The following PMFBP1 variants were observed in gnomAD, a reference collection of about 807,000 sequenced individuals.
PMFBP1 encodes polyamine-modulated factor 1-binding protein 1.
A neutral mutation model predicts 137.8 loss-of-function variants in PMFBP1; 131 were observed. The ratio of observed to expected loss-of-function variants is 0.95; its 90% CI spans 0.82 to 1.10. The LOEUF is 1.10. Ranked by LOEUF, PMFBP1 falls within the 50% of genes least tolerant of loss-of-function variation. The pLI, the probability that PMFBP1 is intolerant of heterozygous loss-of-function variation, is 0.00. For missense variants in PMFBP1, 1,199 were observed against 1,175.4 expected (o/e 1.02, Z -0.29); for synonymous variants, 490 against 450.4 (o/e 1.09, Z -1.11).
intron 6 of PMFBP1, 35 bp from the exon 7 acceptor site, chr16:72,139,434 T>C: frequency 6.9e-7 from 1 of 1,451,856 alleles, no homozygotes; most frequent in Non-Finnish European, 9.7e-7. Context: ...TGCTGGATGA[T>C]CAATGGAACG....
chr16:72,228,898 T>C, the PMFBP1 span, among the ~76,000 whole-genome samples: 1 of 151,720 alleles, frequency 6.6e-6, no homozygotes, highest in Non-Finnish European at 1.5e-5. Flanking sequence ...TGTGCAGGAT[T>C]GTTACATGAG....
At chr16:72,120,313 C>T (rs1378033915) in intron 19 of PMFBP1, among the ~76,000 whole-genome samples, 1 of 152,130 alleles carries the variant, frequency 6.6e-6, no homozygotes, top group Non-Finnish European at 1.5e-5. Context: ...GTACTCCTGC[C>T]CAACTCTGCC....
At chr16:72,123,818 G>T (rs1330365583) in intron 17 of PMFBP1, among the ~76,000 whole-genome samples, 169 bp from the exon 18 acceptor site, 4 of 152,176 alleles carry the variant, frequency 2.6e-5, no homozygotes, top group Admixed American at 1.3e-4. Context: ...TCTGGCTTGT[G>T]CGGGTGGCAT....
intron 3 of PMFBP1, among the ~76,000 whole-genome samples, chr16:72,159,781 C>T (rs140865323): frequency 1.4e-4 from 20 of 146,478 alleles, no homozygotes; most frequent in Admixed American, 3.5e-4. Context: ...CAACTTATTT[C>T]CTATTGCTTC....
the PMFBP1 span, among the ~76,000 whole-genome samples, chr16:72,219,256 G>A: frequency 5.9e-5 from 9 of 152,288 alleles, no homozygotes; most frequent in African/African-American, 2.2e-4. Flanking sequence ...GAGAATCGCT[G>A]TAGGGCTTTT....
At chr16:72,122,285 T>TAAG (rs938023728) in intron 19 of PMFBP1, among the ~76,000 whole-genome samples, 1 of 152,236 alleles carries the variant, frequency 6.6e-6, no homozygotes, top group African/African-American at 2.4e-5. Flanking sequence ...GGTTGTTTTC[T>TAAG]AAGTGTTCCC....
chr16:72,143,670 G>C (rs773620477), intron 5 of PMFBP1, among the ~76,000 whole-genome samples: 5 of 152,076 alleles, frequency 3.3e-5, no homozygotes, highest in Admixed American at 2.0e-4. Flanking sequence ...TTGAACCCAA[G>C]AGGCGGAGGT....
At chr16:72,183,801 C>A in the PMFBP1 span, among the ~76,000 whole-genome samples, 1 of 152,274 alleles carries the variant, frequency 6.6e-6, no homozygotes, top group African/African-American at 2.4e-5. Context: ...CTCCTCTCTG[C>A]CCCTCACTTC....
At chr16:72,229,856 C>T in the PMFBP1 span, among the ~76,000 whole-genome samples, 1 of 152,042 alleles carries the variant, frequency 6.6e-6, no homozygotes, top group Non-Finnish European at 1.5e-5. Flanking sequence ...TTTGCGGTGC[C>T]TGATTTGAGA....
At chr16:72,247,086 C>T in the PMFBP1 span, among the ~76,000 whole-genome samples, 1 of 152,154 alleles carries the variant, frequency 6.6e-6, no homozygotes. Flanking sequence ...CACAATTTCC[C>T]CAGGATAGAA....
At chr16:72,126,335 C>G (rs367878562) in intron 14 of PMFBP1, among the ~76,000 whole-genome samples, 89 of 152,238 alleles carry the variant, frequency 5.8e-4, no homozygotes, top group Non-Finnish European at 2.4e-4. Context: ...TCAGCCACAT[C>G]TCTCTTTCTA....
At chr16:72,244,424 A>G in the PMFBP1 span, among the ~76,000 whole-genome samples, 1 of 152,208 alleles carries the variant, frequency 6.6e-6, no homozygotes, top group Non-Finnish European at 1.5e-5. Flanking sequence ...GCCAAAATTG[A>G]CACTAAAGGA....
the PMFBP1 span, among the ~76,000 whole-genome samples, chr16:72,194,957 C>T: frequency 6.6e-6 from 1 of 152,176 alleles, no homozygotes; most frequent in Non-Finnish European, 1.5e-5. Context: ...TGCATCAATC[C>T]ATAGTGTTCC....
intron 4 of PMFBP1, 43 bp from the exon 5 acceptor site, chr16:72,150,872 C>A (rs373720570): frequency 1.3e-6 from 2 of 1,538,596 alleles, no homozygotes; most frequent in Admixed American, 1.7e-5. Flanking sequence ...CATGGAAGCA[C>A]GTAATGAGGA....
chr16:72,190,754 G>A, the PMFBP1 span, among the ~76,000 whole-genome samples: 2 of 152,032 alleles, frequency 1.3e-5, no homozygotes, highest in African/African-American at 4.8e-5. Flanking sequence ...CTCAATCTGA[G>A]CACACACTCT....
the PMFBP1 span, among the ~76,000 whole-genome samples, chr16:72,205,308 T>C: frequency 6.6e-6 from 1 of 152,258 alleles, no homozygotes; most frequent in African/African-American, 2.4e-5. Context: ...AGCACGTCGC[T>C]AGAAGGGCGG....
upstream of PMFBP1, among the ~76,000 whole-genome samples, chr16:72,175,037 CAT>C (rs1383920496): frequency 2.0e-5 from 3 of 152,184 alleles, no homozygotes; most frequent in African/African-American, 7.2e-5. Flanking sequence ...ACACACACCA[CAT>C]GAGAGTAGAT....
chr16:72,162,398 A>T (rs888643641), intron 3 of PMFBP1, among the ~76,000 whole-genome samples: 4 of 152,030 alleles, frequency 2.6e-5, no homozygotes, highest in African/African-American at 9.6e-5. Flanking sequence ...CTTCCCTGCC[A>T]CTCCTTTTGT....
chr16:72,153,675 A>G (rs1379994094), intron 4 of PMFBP1, among the ~76,000 whole-genome samples: 1 of 150,754 alleles, frequency 6.6e-6, no homozygotes, highest in Non-Finnish European at 1.5e-5. Flanking sequence ...AATATACCTA[A>G]GTGAAGCCTA....
Sources: allele counts gnomAD v4.1 joint callset (sites outside exome capture counted in the v4.1 genomes callset), GRCh38; gene constraint gnomAD v4.1.1; transcripts MANE v1.5; gene names NCBI Gene and HGNC (gene_info 2026-07-23, HGNC 2026-07-21).